The following CHCHD3 variants were observed in gnomAD, a reference collection of about 807,000 sequenced individuals.
CHCHD3 encodes coiled-coil-helix-coiled-coil-helix domain containing 3.
In CHCHD3, 20 loss-of-function variants were observed where a neutral mutation model predicts 38.2. The observed-to-expected ratio is 0.52, with a 90% CI of 0.37 to 0.76. CHCHD3 has a LOEUF of 0.76. CHCHD3 is among the 30% of genes least tolerant of loss of function. The pLI is 0.00. For synonymous variants in CHCHD3, 82 were observed against 100.0 expected (o/e 0.82, Z 1.07); for missense variants, 245 against 279.2 (o/e 0.88, Z 0.87).
chr7:132,894,804 A>G (rs115666100), intron 4 of CHCHD3, among the ~76,000 whole-genome samples: 284 of 152,222 alleles, frequency 1.9e-3, no homozygotes, highest in African/African-American at 6.0e-3. Flanking sequence ...CACATGATAT[A>G]CAGTGTGATT....
chr7:133,025,163 C>T (rs1334284946), intron 2 of CHCHD3, among the ~76,000 whole-genome samples: 2 of 152,106 alleles, frequency 1.3e-5, no homozygotes, highest in African/African-American at 2.4e-5. Flanking sequence ...TTTTGGAATA[C>T]ATGTCATTCA....
chr7:132,997,340 C>T (rs1812446656), intron 3 of CHCHD3, among the ~76,000 whole-genome samples: 2 of 152,050 alleles, frequency 1.3e-5, no homozygotes, highest in South Asian at 4.1e-4. Flanking sequence ...ATCAAACTAC[C>T]TCCCCCTCAT....
intron 4 of CHCHD3, among the ~76,000 whole-genome samples, chr7:132,915,908 T>G (rs1244762960): frequency 6.6e-6 from 1 of 152,092 alleles, no homozygotes; most frequent in Non-Finnish European, 1.5e-5. Context: ...TGTGTAATAT[T>G]GTGCTTTGTG....
At chr7:133,012,992 C>T (rs1262618255) in intron 3 of CHCHD3, among the ~76,000 whole-genome samples, 2 of 151,686 alleles carry the variant, frequency 1.3e-5, no homozygotes, top group African/African-American at 4.8e-5. Flanking sequence ...TTGAGACCAG[C>T]CTGGCCAACA....
At chr7:133,072,559 G>C (rs1002928056) in intron 1 of CHCHD3, among the ~76,000 whole-genome samples, 1 of 152,072 alleles carries the variant, frequency 6.6e-6, no homozygotes, top group Non-Finnish European at 1.5e-5. Context: ...CCCACTCAAG[G>C]CCAGGCATGG....
intron 4 of CHCHD3, among the ~76,000 whole-genome samples, chr7:132,938,573 G>A (rs1810685638): frequency 2.3e-5 from 1 of 42,766 alleles, no homozygotes; most frequent in African/African-American, 1.0e-4. Flanking sequence ...CACAGCTAAA[G>A]TACATCACCC....
At chr7:132,808,284 C>T (rs888177198) in intron 6 of CHCHD3, among the ~76,000 whole-genome samples, 4 of 152,086 alleles carry the variant, frequency 2.6e-5, no homozygotes, top group African/African-American at 9.7e-5. Flanking sequence ...TGTAAGTTGG[C>T]CCCTTCTCTG....
At chr7:132,903,811 T>C (rs1809728457) in intron 4 of CHCHD3, among the ~76,000 whole-genome samples, 1 of 152,234 alleles carries the variant, frequency 6.6e-6, no homozygotes, top group Admixed American at 6.5e-5. Flanking sequence ...TTCGCAAGTA[T>C]TCGAACTGAG....
intron 5 of CHCHD3, among the ~76,000 whole-genome samples, chr7:132,862,296 C>G (rs535609284): frequency 6.6e-6 from 1 of 152,290 alleles, no homozygotes; most frequent in Non-Finnish European, 1.5e-5. Flanking sequence ...AAACTGAATA[C>G]AGGCATACTT....
intron 5 of CHCHD3, among the ~76,000 whole-genome samples, chr7:132,874,976 C>A (rs1808859124): frequency 6.6e-6 from 1 of 152,110 alleles, no homozygotes; most frequent in South Asian, 2.1e-4. Context: ...TTCAGGTCCT[C>A]AGAAGCCCTC....
At chr7:133,044,479 G>A (rs1813919774) in intron 2 of CHCHD3, among the ~76,000 whole-genome samples, 1 of 152,216 alleles carries the variant, frequency 6.6e-6, no homozygotes, top group Admixed American at 6.5e-5. Context: ...AATGGGTGGG[G>A]AGAATAATTA....
chr7:132,866,690 C>A (rs760772462), intron 5 of CHCHD3, among the ~76,000 whole-genome samples: 1 of 152,154 alleles, frequency 6.6e-6, no homozygotes, highest in African/African-American at 2.4e-5. Context: ...ACTCTTGAAA[C>A]CAGAGTGTCA....
chr7:132,786,364 T>C (rs1806318171), intron 7 of CHCHD3, among the ~76,000 whole-genome samples: 1 of 152,170 alleles, frequency 6.6e-6, no homozygotes, highest in Admixed American at 6.5e-5. Context: ...AGAACGCAGA[T>C]GTTCATGTGC....
intron 4 of CHCHD3, among the ~76,000 whole-genome samples, chr7:132,954,721 C>CA (rs1190780352): frequency 3.9e-5 from 6 of 152,096 alleles, no homozygotes; most frequent in African/African-American, 1.4e-4. Context: ...GAAAAGCCAC[C>CA]AGGACAGCAG....
chr7:132,967,767 C>T (rs578174131), intron 4 of CHCHD3, among the ~76,000 whole-genome samples: 2 of 150,500 alleles, frequency 1.3e-5, no homozygotes, highest in East Asian at 3.9e-4. Flanking sequence ...GAGGTCAAGG[C>T]TGCAATGAGC....
chr7:132,834,545 A>T (rs1265583019), intron 6 of CHCHD3, among the ~76,000 whole-genome samples: 1 of 152,130 alleles, frequency 6.6e-6, no homozygotes, highest in Non-Finnish European at 1.5e-5. Context: ...AGAGCGGGGG[A>T]GGGAGGGTCC....
chr7:132,925,272 T>G (rs1017419884), intron 4 of CHCHD3, among the ~76,000 whole-genome samples: 1 of 152,188 alleles, frequency 6.6e-6, no homozygotes, highest in African/African-American at 2.4e-5. Context: ...AGTTTCTCAT[T>G]TAAGTAAGAC....
chr7:132,791,309 C>A (rs1478288022), intron 7 of CHCHD3, among the ~76,000 whole-genome samples: 4 of 152,082 alleles, frequency 2.6e-5, no homozygotes, highest in African/African-American at 9.7e-5. Context: ...GGAAAAATAC[C>A]CTGGTTTTGA....
chr7:132,969,898 C>T (rs555910806), intron 4 of CHCHD3, among the ~76,000 whole-genome samples: 25 of 152,236 alleles, frequency 1.6e-4, no homozygotes, highest in Middle Eastern at 3.4e-3. Context: ...ACTGAGGTCT[C>T]GACCATAAAG....
Sources: gnomAD v4.1 joint callset for allele counts (sites outside exome capture counted in the v4.1 genomes callset) on GRCh38, gnomAD v4.1.1 for gene constraint, MANE v1.5 for transcripts, NCBI Gene and HGNC (gene_info 2026-07-23, HGNC 2026-07-21) for gene names.